Variants in PAM observed in about 807,000 individuals in gnomAD.
PAM encodes the protein peptidylglycine alpha-amidating monooxygenase, also known as peptidyl-glycine alpha-amidating monooxygenase.
A neutral mutation model predicts 122.1 loss-of-function variants in PAM; 72 were observed. That is an observed-to-expected ratio of 0.59 (90% CI 0.49 to 0.72). The LOEUF (loss-of-function observed/expected upper bound fraction) is 0.72. Among genes scored for constraint, PAM ranks in the 30% least tolerant of loss-of-function variants. The pLI is 0.00. For synonymous variants in PAM, 389 were observed against 404.4 expected, an observed-to-expected ratio of 0.96 and a Z score of 0.46; for missense variants, 1,106 against 1,183.7, an observed-to-expected ratio of 0.93 and a Z score of 0.96.
downstream of PAM, chr5:103,031,002 T>C (rs562690285): frequency 6.6e-6 from 1 of 152,332 alleles, no homozygotes; most frequent in South Asian, 2.1e-4. Context: ...TGAGGTGTTT[T>C]GATATGACTG....
intron 12 of PAM, among the ~76,000 whole-genome samples, chr5:102,957,873 G>C (rs1761272644): frequency 1.3e-5 from 2 of 152,082 alleles, no homozygotes; most frequent in Non-Finnish European, 1.5e-5. Flanking sequence ...GCATTTCAAG[G>C]ACCAAAGTTT....
In PAM at chr5:102,926,534, T is replaced by C. The variant is rs1185023099; in HGVS notation, c.443-51T>C. The stretch of plus-strand genomic sequence containing the variant: ...CATAGAACAGCAATTTGAGATTAAC[T>C]CCATTTTAGATGCTCATTTCTAATA... On this transcript the variant is annotated intron_variant, in intron 6 of 25. Coordinates refer to ENST00000438793, the MANE Select transcript of PAM (RefSeq NM_001177306.2). 3.0e-6 allele frequency: 3 copies of C among 989,154 alleles called. No homozygotes were observed. In the South Asian group the frequency reaches 3.9e-5, roughly 13 times the overall value. 61.3% of individuals were successfully genotyped at this position (989,154 alleles called of 1,614,324 possible).
chr5:102,763,945 G>T (rs2149695109), intron 1 of PAM, among the ~76,000 whole-genome samples: 1 of 152,236 alleles, frequency 6.6e-6, no homozygotes, highest in South Asian at 2.1e-4. Flanking sequence ...TTGGATTGGG[G>T]TGTGCATGTC....
intron 1 of PAM, among the ~76,000 whole-genome samples, chr5:102,794,995 G>C (rs1163404994): frequency 2.0e-5 from 3 of 151,740 alleles, no homozygotes; most frequent in Non-Finnish European, 4.4e-5. Context: ...TTGGAGACCA[G>C]CCTGGTCAAC....
In PAM at chr5:102,986,579, G is replaced by C. The variant is rs527968786; in HGVS notation, c.1484-3693G>C. Among the ~76,000 whole-genome samples, 6 of 152,170 alleles carry C rather than the reference G, an allele frequency of 3.9e-5. No homozygotes were observed. In the South Asian group the frequency reaches 1.2e-3, roughly 32 times the overall value. On this transcript the variant is annotated intron_variant, in intron 15 of 25. Transcript: ENST00000438793. Reference sequence around the variant, plus strand: ...AACACTGATGAAAGAAATTGAAAATGACACCAAAAAAATGGAAAAATATTT... The same window carrying C: ...AACACTGATGAAAGAAATTGAAAATCACACCAAAAAAATGGAAAAATATTT...
chr5:102,968,697 C>T (rs753241337), intron 14 of PAM, among the ~76,000 whole-genome samples: 1 of 152,064 alleles, frequency 6.6e-6, no homozygotes, highest in Non-Finnish European at 1.5e-5. Context: ...TATATGGTCA[C>T]CTTAGCAGGG....
At chr5:102,889,883 C>T (rs1178386127) in intron 3 of PAM, among the ~76,000 whole-genome samples, 2 of 151,884 alleles carry the variant, frequency 1.3e-5, no homozygotes, top group African/African-American at 4.8e-5. Context: ...GTCCTTACAA[C>T]AAGGCTTAAC....
chr5:102,842,881 A>G (rs1038421853), intron 1 of PAM, among the ~76,000 whole-genome samples: 2 of 152,224 alleles, frequency 1.3e-5, no homozygotes, highest in Non-Finnish European at 2.9e-5. Flanking sequence ...CATTTGATAT[A>G]TACAACAATG....
intron 1 of PAM, among the ~76,000 whole-genome samples, chr5:102,859,068 TGATAAA>T (rs1326798237): frequency 6.6e-6 from 1 of 152,204 alleles, no homozygotes; most frequent in African/African-American, 2.4e-5. Context: ...ACGTAATACT[TGATAAA>T]GATAATAAAC....
At chr5:103,009,178 G>C (rs547468459) in intron 20 of PAM, among the ~76,000 whole-genome samples, 21 of 152,060 alleles carry the variant, frequency 1.4e-4, no homozygotes, top group Non-Finnish European at 7.4e-5. Context: ...AAGTATTCAT[G>C]GTGTGAAAAT....
chr5:102,880,492 C>T (rs532625864), intron 3 of PAM, among the ~76,000 whole-genome samples: 29 of 152,124 alleles, frequency 1.9e-4, no homozygotes, highest in African/African-American at 6.5e-4. Flanking sequence ...ACTCATAATT[C>T]AATAAAACTA....
chr5:102,841,608 T>C (rs953369604), intron 1 of PAM, among the ~76,000 whole-genome samples: 3 of 152,202 alleles, frequency 2.0e-5, no homozygotes, highest in African/African-American at 7.2e-5. Context: ...CAACCATTTA[T>C]GAATCTGCAG....
chr5:103,029,761 A>G (rs923751929), downstream of PAM: 1 of 151,992 alleles, frequency 6.6e-6, no homozygotes, highest in Non-Finnish European at 1.5e-5. Context: ...CAGATTTTAC[A>G]TACAACTTTT....
chr5:103,023,201 GTTCCTTCCATTT>G (rs1274725371), intron 23 of PAM, among the ~76,000 whole-genome samples: 2 of 152,020 alleles, frequency 1.3e-5, no homozygotes. Flanking sequence ...ATCATCCACA[GTTCCTTCCATTT>G]AATGTTGCCC....
intron 8 of PAM, 49 bp downstream of exon 8, chr5:102,946,934 CGAACTTAGAGTGG>C (rs1757243652): frequency 8.1e-7 from 1 of 1,237,018 alleles, no homozygotes; most frequent in African/African-American, 1.5e-5. Flanking sequence ...AACATCTTTG[CGAACTTAGAGTGG>C]GAAGTTTACT....
chr5:102,790,169 C>A (rs1192279836), intron 1 of PAM, among the ~76,000 whole-genome samples: 1 of 152,034 alleles, frequency 6.6e-6, no homozygotes, highest in Non-Finnish European at 1.5e-5. Flanking sequence ...TTAAAGTCTG[C>A]TTACATGCTC....
At chr5:102,948,208 T>C (rs2151955732) in intron 8 of PAM, among the ~76,000 whole-genome samples, 170 bp from the exon 9 acceptor site, 1 of 152,324 alleles carries the variant, frequency 6.6e-6, no homozygotes, top group African/African-American at 2.4e-5. Flanking sequence ...AGAGTCTGCC[T>C]TCACATGAAA....
chr5:102,811,887 C>T (rs1768020782), intron 1 of PAM, among the ~76,000 whole-genome samples: 1 of 152,186 alleles, frequency 6.6e-6, no homozygotes, highest in Non-Finnish European at 1.5e-5. Context: ...CTCTTAGGTA[C>T]AGATGGGAGT....
intron 7 of PAM, among the ~76,000 whole-genome samples, chr5:102,933,192 C>T (rs920972370): frequency 2.6e-5 from 4 of 152,208 alleles, no homozygotes; most frequent in Non-Finnish European, 5.9e-5. Context: ...TATAGGCACC[C>T]TTCTTCCTGT....
Sources: allele counts gnomAD v4.1 joint callset (sites outside exome capture counted in the v4.1 genomes callset), GRCh38; gene constraint gnomAD v4.1.1; transcripts MANE v1.5; gene names NCBI Gene and HGNC (gene_info 2026-07-23, HGNC 2026-07-21).